Variants in CBL observed in about 807,000 individuals in gnomAD.
CBL encodes Cbl proto-oncogene.
A neutral mutation model predicts 96.9 loss-of-function variants in CBL; 45 were observed. The observed-to-expected ratio is 0.46, with a 90% CI of 0.37 to 0.60. The LOEUF (loss-of-function observed/expected upper bound fraction) is 0.60. CBL is among the 20% of genes least tolerant of loss of function. The pLI is 0.00. For synonymous variants in CBL, 420 were observed against 426.8 expected, an observed-to-expected ratio of 0.98 and a Z score of 0.20; for missense variants, 1,024 against 1,143.5, an observed-to-expected ratio of 0.90 and a Z score of 1.51.
chr11:119,299,380 C>A, intron 15 of CBL, 115 bp from the exon 16 acceptor site: 1 of 947,704 alleles, frequency 1.1e-6, no homozygotes. Context: ...CTGAAGAGCA[C>A]ATGTACCCAG....
In CBL at chr11:119,264,152, G is replaced by A. The variant is rs188613762; in HGVS notation, c.444-7583G>A. Among the ~76,000 whole-genome samples the A allele has an allele frequency of 4.7e-3, 716 of 152,260 alleles. 4 individuals are homozygous for A. Among genetic ancestry groups the A allele is most frequent in the Non-Finnish European group, 8.0e-3 (544 of 68,018 alleles). On this transcript the variant is annotated intron_variant, in intron 2 of 15. Coordinates refer to ENST00000264033, the MANE Select transcript of CBL (RefSeq NM_005188.4). ...ATCTTGGAATTTTCCTCTTGAGAAC[G>A]ATAGGATCATTTGATTTACAAATAT... is the stretch of plus-strand genomic sequence containing the variant.
intron 1 of CBL, among the ~76,000 whole-genome samples, chr11:119,218,680 C>G (rs1893034): frequency 0.28 from 43,185 of 151,960 alleles, 6,542 homozygotes; most frequent in South Asian, 0.59. Context: ...GGTTAGTCAC[C>G]TAGTAGTCAT....
chr11:119,238,143 A>C (rs1949558995), intron 2 of CBL, among the ~76,000 whole-genome samples: 1 of 152,000 alleles, frequency 6.6e-6, no homozygotes, highest in Non-Finnish European at 1.5e-5. Flanking sequence ...AAATGCTGGC[A>C]GGTGTGAGCC....
At position 119,301,818 on chromosome 11, in the gene CBL, G is replaced by A. The variant is rs967017848; in HGVS notation, c.*2037G>A. On this transcript the variant is annotated 3_prime_UTR_variant, in exon 16 of 16. Transcript: ENST00000264033. Reference sequence around the variant, plus strand: ...AGTAGACCGCCATCAACTTCTAACAGCCAGTACACACACTGTTTCATTTTG... The same window carrying A: ...AGTAGACCGCCATCAACTTCTAACAACCAGTACACACACTGTTTCATTTTG... 4.3e-6 allele frequency: 1 copy of A among 233,196 alleles called. No individual in the cohort carries two copies. Among genetic ancestry groups the A allele is most frequent in the Non-Finnish European group, 8.5e-6 (1 of 118,034 alleles). The allele number at this position is 233,196 out of a possible 1,614,324, so 14.4% of individuals were successfully genotyped here.
Position 119,274,048 on chromosome 11 carries a change from A to G in CBL, c.747+24A>G, listed in dbSNP as rs1949869160. 6 of 1,596,816 alleles carry G rather than the reference A, an allele frequency of 3.8e-6. No homozygotes were observed. The African/African-American group carries it at 5.4e-5, about 14-fold the overall frequency. On this transcript the variant is annotated intron_variant, in intron 4 of 15. Coordinates refer to ENST00000264033, the MANE Select transcript of CBL (RefSeq NM_005188.4). ...AGGTAGGACACTAAAAAAGTTGACT[A>G]AACTGGTTACTGCTACTTCGGTGAA...
At position 119,303,612 on chromosome 11, in the gene CBL, C is replaced by T. The variant is rs1043206121; in HGVS notation, c.*3831C>T. ...CTGGTTAATAACAGGCCAAGATTCT[C>T]CCATTATCCCCTGTTGTCTCCTGTA... On this transcript the variant is annotated 3_prime_UTR_variant, in exon 16 of 16. Transcript: ENST00000264033. 1.3e-5 allele frequency: 3 copies of T among 233,622 alleles called. No homozygotes were observed. The highest frequency in any genetic ancestry group is 5.6e-5 in the Admixed American group (1 of 17,788). The allele number at this position is 233,622 out of a possible 1,614,324, so 14.5% of individuals were successfully genotyped here. A position where few individuals can be genotyped will look rare whatever the true frequency, so the allele number is the denominator to read the frequency against.
At chr11:119,254,794 G>A (rs1413116821) in intron 2 of CBL, among the ~76,000 whole-genome samples, 1 of 152,036 alleles carries the variant, frequency 6.6e-6, no homozygotes, top group African/African-American at 2.4e-5. Context: ...TAGAGACGGG[G>A]TTTTGCCATG....
chr11:119,215,430 T>A (rs749998696), intron 1 of CBL, among the ~76,000 whole-genome samples: 8 of 78,358 alleles, frequency 1.0e-4, no homozygotes, highest in African/African-American at 1.5e-4. Flanking sequence ...ACAGCCTAAA[T>A]TTTTTTTTTT....
chr11:119,292,815 A>G (rs558432676), intron 12 of CBL, among the ~76,000 whole-genome samples: 1 of 152,264 alleles, frequency 6.6e-6, no homozygotes, highest in African/African-American at 2.4e-5. Context: ...TTTTGTGTAG[A>G]TACGGGGTTT....
chr11:119,286,965 T>C (rs1359528065), intron 11 of CBL, among the ~76,000 whole-genome samples: 1 of 151,300 alleles, frequency 6.6e-6, no homozygotes, highest in Non-Finnish European at 1.5e-5. Context: ...GAGTGGGAGG[T>C]ATGTGAAGTT....
intron 14 of CBL, among the ~76,000 whole-genome samples, chr11:119,298,147 A>G (rs991821116): frequency 1.3e-5 from 2 of 152,234 alleles, no homozygotes; most frequent in African/African-American, 4.8e-5. Context: ...AACCTTTGGC[A>G]TGTTCAAAAA....
intron 1 of CBL, among the ~76,000 whole-genome samples, chr11:119,224,551 C>T (rs1198066244): frequency 6.6e-6 from 1 of 152,118 alleles, no homozygotes; most frequent in Admixed American, 6.6e-5. Context: ...ATCATGTGTT[C>T]TTACAATAAA....
At chr11:119,269,261 T>A (rs923097694) in intron 2 of CBL, among the ~76,000 whole-genome samples, 3 of 150,708 alleles carry the variant, frequency 2.0e-5, no homozygotes, top group Non-Finnish European at 4.4e-5. Context: ...TTTTTTTTTT[T>A]TTTTGGACCG....
chr11:119,276,875 T>TAC (rs1949893135), intron 6 of CBL, among the ~76,000 whole-genome samples: 1 of 152,236 alleles, frequency 6.6e-6, no homozygotes, highest in South Asian at 2.1e-4. Flanking sequence ...TGCATATTGT[T>TAC]ACATTGCTTT....
At chr11:119,234,433 C>T (rs566196539) in intron 2 of CBL, among the ~76,000 whole-genome samples, 19 of 152,266 alleles carry the variant, frequency 1.2e-4, no homozygotes, top group African/African-American at 3.6e-4. Flanking sequence ...GTTAAAACCT[C>T]GACTGTATGG....
At chr11:119,246,035 C>A (rs530801548) in intron 2 of CBL, among the ~76,000 whole-genome samples, 2 of 128,896 alleles carry the variant, frequency 1.6e-5, no homozygotes, top group Non-Finnish European at 3.1e-5. Context: ...AGTGCAGCGG[C>A]GCGATCTCAG....
intron 5 of CBL, among the ~76,000 whole-genome samples, chr11:119,275,255 G>A (rs528699260): frequency 1.3e-5 from 2 of 151,900 alleles, no homozygotes; most frequent in Admixed American, 1.3e-4. Flanking sequence ...CCTGGCCAAA[G>A]TGGTAAAACC....
At position 119,303,483 on chromosome 11, in the gene CBL, T is replaced by G. The variant is rs987723123; in HGVS notation, c.*3702T>G. On this transcript the variant is annotated 3_prime_UTR_variant, in exon 16 of 16. Transcript: ENST00000264033. ...TGTTTGGGGGATTGTACTTGGACTG[T>G]CATAGCCTCTGCGTTTGACCTTAAA... is the stretch of plus-strand genomic sequence containing the variant. 8.6e-6 allele frequency: 2 copies of G among 233,590 alleles called. No individual in the cohort carries two copies. The highest frequency in any genetic ancestry group is 1.1e-4 in the Admixed American group (2 of 17,774). 14.5% of individuals were successfully genotyped at this position (233,590 alleles called of 1,614,324 possible).
At position 119,303,708 on chromosome 11, in the gene CBL, G is replaced by C. The variant is rs970587770; in HGVS notation, c.*3927G>C. 4.3e-6 allele frequency: 1 copy of C among 233,568 alleles called. No individual in the cohort carries two copies. The highest frequency in any genetic ancestry group is 2.2e-5 in the African/African-American group (1 of 45,330). 14.5% of individuals were successfully genotyped at this position (233,568 alleles called of 1,614,324 possible). A position where few individuals can be genotyped will look rare whatever the true frequency, so the allele number is the denominator to read the frequency against. On this transcript the variant is annotated 3_prime_UTR_variant, in exon 16 of 16. Transcript: ENST00000264033. ...ACCGACTGTTTTTATGTTGGAATTT[G>C]TTCCAACATAATTAGAATCTGTTTG...
Sources: gnomAD v4.1 joint callset for allele counts (sites outside exome capture counted in the v4.1 genomes callset) on GRCh38, gnomAD v4.1.1 for gene constraint, MANE v1.5 for transcripts, NCBI Gene and HGNC (gene_info 2026-07-23, HGNC 2026-07-21) for gene names.